SLC35A1: variants seen among roughly 807,000 people sequenced by gnomAD.
The protein encoded by SLC35A1 is solute carrier family 35 member A1.
In SLC35A1, 21 loss-of-function variants were observed where a neutral mutation model predicts 40.3. The ratio of observed to expected loss-of-function variants is 0.52; its 90% CI spans 0.37 to 0.75. SLC35A1 has a LOEUF of 0.75. Among genes scored for constraint, SLC35A1 ranks in the 30% least tolerant of loss-of-function variants. SLC35A1 has a pLI of 0.00. For missense variants in SLC35A1, 297 were observed against 382.1 expected (o/e 0.78, Z 1.86); for synonymous variants, 146 against 147.3 (o/e 0.99, Z 0.06).
chr6:87,476,205 G>A (rs1056045241), intron 1 of SLC35A1, among the ~76,000 whole-genome samples: 1 of 152,208 alleles, frequency 6.6e-6, no homozygotes, highest in Non-Finnish European at 1.5e-5. Context: ...TAGTTTTATA[G>A]AGGTGTGTTC....
intron 4 of SLC35A1, 46 bp downstream of exon 4, chr6:87,501,356 TCC>T: frequency 1.9e-6 from 3 of 1,568,108 alleles, no homozygotes; most frequent in Non-Finnish European, 2.6e-6. Flanking sequence ...ATAGAAAACT[TCC>T]TTAAGTCTTA....
At chr6:87,509,453 T>G (rs1399406180) in intron 7 of SLC35A1, among the ~76,000 whole-genome samples, 5 of 152,154 alleles carry the variant, frequency 3.3e-5, no homozygotes, top group African/African-American at 1.2e-4. Flanking sequence ...CTCCCTGTAT[T>G]TTTAGGTATT....
At chr6:87,503,615 G>A (rs1047071444) in intron 4 of SLC35A1, among the ~76,000 whole-genome samples, 4 of 152,174 alleles carry the variant, frequency 2.6e-5, no homozygotes, top group Non-Finnish European at 5.9e-5. Flanking sequence ...AGGAGGCTGA[G>A]GCAGGAGAAT....
intron 2 of SLC35A1, among the ~76,000 whole-genome samples, chr6:87,480,902 A>C (rs923921830): frequency 2.6e-5 from 4 of 152,102 alleles, no homozygotes; most frequent in Admixed American, 6.5e-5. Context: ...TACAAACCAT[A>C]GTCTTGGTGG....
At chr6:87,508,636 A>T in intron 6 of SLC35A1, 40 bp downstream of exon 6, 1 of 1,441,688 alleles carries the variant, frequency 6.9e-7, no homozygotes. Context: ...TAGATCCTTT[A>T]TTTTTTTTTT....
At chr6:87,482,856 G>A (rs1283070322) in intron 2 of SLC35A1, among the ~76,000 whole-genome samples, 1 of 152,094 alleles carries the variant, frequency 6.6e-6, no homozygotes, top group East Asian at 1.9e-4. Context: ...ACTGGGTGAG[G>A]TGTGCTCACA....
chr6:87,486,680 G>A lies in SLC35A1; in HGVS notation c.194+9141G>A, dbSNP rs568171555. On this transcript the variant is annotated intron_variant, in intron 2 of 7. Transcript: ENST00000369552. The stretch of plus-strand genomic sequence containing the variant: ...AGGGTTTCCTCTCTGAGGAAGTTAC[G>A]TTTAAACCTAGACCTGTCAATTGAG... 7.2e-5 allele frequency among the ~76,000 whole-genome samples: 11 copies of A among 152,282 alleles called. No individual in the cohort carries two copies. In the South Asian group the frequency reaches 1.5e-3, roughly 20 times the overall value.
intron 4 of SLC35A1, among the ~76,000 whole-genome samples, chr6:87,504,907 A>G (rs1429637287): frequency 6.6e-6 from 1 of 152,218 alleles, no homozygotes; most frequent in Non-Finnish European, 1.5e-5. Context: ...GTATTATAGG[A>G]AAGTATACTT....
intron 1 of SLC35A1, among the ~76,000 whole-genome samples, chr6:87,473,719 G>A (rs1768986753): frequency 6.6e-6 from 1 of 152,226 alleles, no homozygotes; most frequent in South Asian, 2.1e-4. Flanking sequence ...TAAGGAGGGC[G>A]AGTCTAATTG....
rs531976846 is a variant in SLC35A1, at chr6:87,481,007, T to C, written c.194+3468T>C. Among the ~76,000 whole-genome samples the C allele has an allele frequency of 2.6e-5, 4 of 152,310 alleles. No homozygotes were observed. The South Asian group carries it at 6.2e-4, about 24-fold the overall frequency. On this transcript the variant is annotated intron_variant, in intron 2 of 7. Coordinates refer to ENST00000369552, the MANE Select transcript of SLC35A1 (RefSeq NM_006416.5). ...TGTGATCCCCAGGCTAGTGCCCGTTTACCAGAAATTCTAGGGGTGGTACCT... is the reference window on the plus strand; with the variant it reads ...TGTGATCCCCAGGCTAGTGCCCGTTCACCAGAAATTCTAGGGGTGGTACCT...
intron 4 of SLC35A1, among the ~76,000 whole-genome samples, chr6:87,502,340 C>T (rs186555249): frequency 1.3e-5 from 2 of 152,240 alleles, no homozygotes; most frequent in Admixed American, 1.3e-4. Context: ...GTTCTGAATA[C>T]CGGAGACTTG....
intron 7 of SLC35A1, among the ~76,000 whole-genome samples, chr6:87,510,031 A>G (rs1770213079): frequency 6.6e-6 from 1 of 152,236 alleles, no homozygotes; most frequent in Non-Finnish European, 1.5e-5. Context: ...TTAGAAAACC[A>G]TGTATAGTCT....
intron 2 of SLC35A1, among the ~76,000 whole-genome samples, chr6:87,492,788 G>A (rs746719288): frequency 3.9e-5 from 6 of 152,084 alleles, no homozygotes; most frequent in East Asian, 1.9e-4. Flanking sequence ...GACCTCAGGC[G>A]ATGCACCCAG....
rs1248214560 is a variant in SLC35A1 at position 87,473,003 on chromosome 6, C to A, written c.-1C>A. ...GTTCCGCGGGGGGCTGTCGGGGAAC[C>A]ATGGCTGCCCCGAGAGGTGAGAACT... On this transcript the variant is annotated 5_prime_UTR_variant, in exon 1 of 8. Coordinates refer to ENST00000369552, the MANE Select transcript of SLC35A1 (RefSeq NM_006416.5). 1.5e-6 allele frequency: 1 copy of A among 688,768 alleles called. No homozygotes were observed. The highest frequency in any genetic ancestry group is 2.2e-6 in the Non-Finnish European group (1 of 456,708). The allele number at this position is 688,768 out of a possible 1,614,324, so 42.7% of individuals were successfully genotyped here. A position where few individuals can be genotyped will look rare whatever the true frequency, so the allele number is the denominator to read the frequency against.
At chr6:87,481,503 T>C (rs893402015) in intron 2 of SLC35A1, among the ~76,000 whole-genome samples, 1 of 152,092 alleles carries the variant, frequency 6.6e-6, no homozygotes, top group African/African-American at 2.4e-5. Flanking sequence ...CTTTAGAAAC[T>C]TCCTGAGAAA....
intron 5 of SLC35A1, chr6:87,506,743 AT>A (rs1770093197): frequency 2.8e-6 from 1 of 353,152 alleles, no homozygotes; most frequent in African/African-American, 2.1e-5. Context: ...AATGGAGGAA[AT>A]TAGTCTTCAG....
chr6:87,476,974 G>A (rs768319279), intron 1 of SLC35A1, among the ~76,000 whole-genome samples: 4 of 151,940 alleles, frequency 2.6e-5, no homozygotes, highest in South Asian at 2.1e-4. Context: ...AGCTGAGATC[G>A]CGCCACTGTA....
chr6:87,478,713 G>C (rs1769155247), intron 2 of SLC35A1, among the ~76,000 whole-genome samples: 1 of 152,184 alleles, frequency 6.6e-6, no homozygotes, highest in Non-Finnish European at 1.5e-5. Flanking sequence ...TCCACTTGAA[G>C]TAGTTCGAAT....
Position 87,511,656 on chromosome 6 carries a change from A to C in SLC35A1, c.*130A>C. 1 of 967,788 alleles carries C rather than the reference A, an allele frequency of 1.0e-6. No homozygotes were observed. Among genetic ancestry groups the C allele is most frequent in the South Asian group, 1.3e-5 (1 of 75,854 alleles). 60.0% of individuals were successfully genotyped at this position (967,788 alleles called of 1,614,324 possible). A position where few individuals can be genotyped will look rare whatever the true frequency, so the allele number is the denominator to read the frequency against. On this transcript the variant is annotated 3_prime_UTR_variant, in exon 8 of 8. Transcript: ENST00000369552. The stretch of plus-strand genomic sequence containing the variant: ...TGGCATGATCAGTGCGGTTATGTGG[A>C]AACAACAACAAACAAACGAAGCTAT...
Sources: allele counts gnomAD v4.1 joint callset (sites outside exome capture counted in the v4.1 genomes callset), GRCh38; gene constraint gnomAD v4.1.1; transcripts MANE v1.5; gene names NCBI Gene and HGNC (gene_info 2026-07-23, HGNC 2026-07-21).